Variants in ARHGAP42 observed in about 807,000 individuals in gnomAD.
ARHGAP42 encodes the protein rho GTPase-activating protein 42.
ARHGAP42 carries 63 observed loss-of-function variants against 125.0 expected under a neutral mutation model. The ratio of observed to expected loss-of-function variants is 0.50; its 90% CI spans 0.41 to 0.62. The LOEUF (loss-of-function observed/expected upper bound fraction) is 0.62, where lower values mean the gene tolerates loss of function less well. ARHGAP42 is among the 20% of genes least tolerant of loss of function. ARHGAP42 has a pLI of 0.00. For synonymous variants in ARHGAP42, 339 were observed against 351.0 expected, an observed-to-expected ratio of 0.97 and a Z score of 0.38; for missense variants, 766 against 1,024.2, an observed-to-expected ratio of 0.75 and a Z score of 3.44.
intron 1 of ARHGAP42, among the ~76,000 whole-genome samples, chr11:100,761,153 A>T (rs1591159125): frequency 6.6e-6 from 1 of 152,160 alleles, no homozygotes; most frequent in African/African-American, 2.4e-5. Context: ...GGTAAAGGAG[A>T]TACTTCAGAA....
intron 4 of ARHGAP42, among the ~76,000 whole-genome samples, chr11:100,903,117 G>GCGCACACACACAAACACACACACACACA (rs373508179): frequency 7.6e-6 from 1 of 131,942 alleles, no homozygotes; most frequent in Admixed American, 8.0e-5. Context: ...TCCAAGATGC[G>GCGCACACACACAAACACACACACACACA]CACACACACA....
chr11:100,950,378 A>G (rs7929787), intron 12 of ARHGAP42, among the ~76,000 whole-genome samples: 130,911 of 148,336 alleles, frequency 0.88, 57,859 homozygotes, highest in East Asian at 1. Context: ...CTATATCAAT[A>G]TAAATATATA....
intron 1 of ARHGAP42, among the ~76,000 whole-genome samples, chr11:100,723,167 C>T (rs1861795907): frequency 6.6e-6 from 1 of 152,134 alleles, no homozygotes; most frequent in South Asian, 2.1e-4. Context: ...ACCAATATCA[C>T]ACAATCTTGA....
chr11:100,930,480 T>C (rs1467440909), intron 6 of ARHGAP42, among the ~76,000 whole-genome samples: 1 of 152,164 alleles, frequency 6.6e-6, no homozygotes, highest in East Asian at 1.9e-4. Context: ...ATATAATTCT[T>C]ATGTGCCTTC....
At chr11:100,842,523 G>C (rs1222214771) in intron 3 of ARHGAP42, among the ~76,000 whole-genome samples, 1 of 152,106 alleles carries the variant, frequency 6.6e-6, no homozygotes, top group Non-Finnish European at 1.5e-5. Context: ...CAGTAAATCA[G>C]TGTAAATTAT....
At chr11:100,975,141 A>T (rs1478967326) in intron 19 of ARHGAP42, among the ~76,000 whole-genome samples, 5 of 151,906 alleles carry the variant, frequency 3.3e-5, no homozygotes, top group Non-Finnish European at 7.4e-5. Context: ...TATACCCCCC[A>T]CCCCAATTTT....
At chr11:100,903,740 ATATATATATATATATG>A (rs1866636836) in intron 4 of ARHGAP42, among the ~76,000 whole-genome samples, 1 of 100,222 alleles carries the variant, frequency 1.0e-5, no homozygotes, top group South Asian at 3.6e-4. Context: ...ATATATATAT[ATATATATATATATATG>A]TATGTAAAGG....
chr11:100,872,586 T>A (rs1403388189), intron 4 of ARHGAP42, among the ~76,000 whole-genome samples: 1 of 152,062 alleles, frequency 6.6e-6, no homozygotes, highest in African/African-American at 2.4e-5. Context: ...AGAGACGGGG[T>A]TTCACCATGT....
chr11:100,700,580 G>T (rs981597722), intron 1 of ARHGAP42, among the ~76,000 whole-genome samples: 6 of 152,120 alleles, frequency 3.9e-5, no homozygotes, highest in Admixed American at 3.9e-4. Flanking sequence ...AGTGTTCACC[G>T]CATCTTCACC....
chr11:100,798,778 A>C (rs943721812), intron 3 of ARHGAP42, among the ~76,000 whole-genome samples: 1 of 152,184 alleles, frequency 6.6e-6, no homozygotes, highest in Non-Finnish European at 1.5e-5. Flanking sequence ...TGCCTGGTTG[A>C]TATAATACTC....
At chr11:100,892,992 A>G (rs1277811857) in intron 4 of ARHGAP42, among the ~76,000 whole-genome samples, 2 of 152,192 alleles carry the variant, frequency 1.3e-5, no homozygotes. Flanking sequence ...ATTTTATAAC[A>G]ACTAAAAGAA....
Position 100,795,143 on chromosome 11 carries a change from G to A in ARHGAP42, c.289G>A (p.Val97Ile), listed in dbSNP as rs778649242. The change falls in exon 3 of 24, where the codon GTA becomes ATA. Residue 97 changes from valine to isoleucine, a missense_variant. By Grantham distance (29) the Val-to-Ile change is conservative (BLOSUM62 3). Around this residue, in one of 3 missense-constraint regions of ARHGAP42, gnomAD observed 455 missense variants for 636.5 expected, o/e 0.71. Coordinates refer to ENST00000298815, the MANE Select transcript of ARHGAP42 (RefSeq NM_152432.4). ...LKEFARLLIA[V>I]EEERRRLIQN... ...AGAATTTGCAAGACTACTCATTGCA[G>A]TAGAAGAAGAAAGGCGAAGACTGGT... 1 of 1,543,478 alleles carries A rather than the reference G, an allele frequency of 6.5e-7. No homozygotes were observed. The highest frequency in any genetic ancestry group is 1.2e-5 in the South Asian group (1 of 82,274).
intron 1 of ARHGAP42, among the ~76,000 whole-genome samples, chr11:100,697,188 T>TTG (rs1292593218): frequency 6.6e-6 from 1 of 151,676 alleles, no homozygotes; most frequent in Non-Finnish European, 1.5e-5. Context: ...TTGGTTTTTT[T>TTG]TTTTGTTTTT....
intron 17 of ARHGAP42, among the ~76,000 whole-genome samples, chr11:100,969,195 C>T (rs900967804): frequency 6.6e-6 from 1 of 152,012 alleles, no homozygotes; most frequent in African/African-American, 2.4e-5. Context: ...CCTCTGCCTT[C>T]TAGCCTTTAT....
intron 10 of ARHGAP42, among the ~76,000 whole-genome samples, chr11:100,947,880 T>G (rs1234071806): frequency 6.6e-6 from 1 of 152,006 alleles, no homozygotes; most frequent in East Asian, 1.9e-4. Context: ...TTTGTTTCTT[T>G]CTTGAAGTAT....
chr11:100,876,536 A>G (rs1407929514), intron 4 of ARHGAP42, among the ~76,000 whole-genome samples: 1 of 152,216 alleles, frequency 6.6e-6, no homozygotes, highest in Admixed American at 6.5e-5. Flanking sequence ...CTCATCACGG[A>G]TTTGTCTGTA....
chr11:100,771,675 T>C (rs1440704419), intron 2 of ARHGAP42, among the ~76,000 whole-genome samples: 3 of 151,952 alleles, frequency 2.0e-5, no homozygotes, highest in Non-Finnish European at 2.9e-5. Context: ...CTCGGCTCAC[T>C]GCACCCTCCG....
intron 4 of ARHGAP42, among the ~76,000 whole-genome samples, chr11:100,905,596 C>T (rs528231): frequency 6.6e-6 from 1 of 152,156 alleles, no homozygotes; most frequent in Non-Finnish European, 1.5e-5. Context: ...CTTTTTTTGC[C>T]TAATTTTTTG....
chr11:100,697,878 A>G (rs1861314211), intron 1 of ARHGAP42, among the ~76,000 whole-genome samples: 1 of 152,182 alleles, frequency 6.6e-6, no homozygotes, highest in South Asian at 2.1e-4. Flanking sequence ...GGGAGTGGAG[A>G]GCAAGGGGAA....
Sources: allele counts gnomAD v4.1 joint callset (sites outside exome capture counted in the v4.1 genomes callset), GRCh38; gene constraint gnomAD v4.1.1; regional missense constraint gnomAD v4.1.1; transcripts MANE v1.5; gene names NCBI Gene and HGNC (gene_info 2026-07-23, HGNC 2026-07-21).